SRD5A2: variants seen among roughly 807,000 people sequenced by gnomAD.
The protein encoded by SRD5A2 is steroid 5 alpha-reductase 2, also known as 3-oxo-5-alpha-steroid 4-dehydrogenase 2.
SRD5A2 carries 30 observed loss-of-function variants against 27.4 expected under a neutral mutation model. That is an observed-to-expected ratio of 1.10 (90% CI 0.82 to 1.49). The LOEUF is 1.49. Among genes scored for constraint, SRD5A2 ranks in the 40% most tolerant of loss-of-function variants. The pLI is 0.00. For missense variants in SRD5A2, 348 were observed against 323.4 expected (o/e 1.08, Z -0.58); for synonymous variants, 141 against 133.6 (o/e 1.06, Z -0.38).
At chr2:31,572,676 G>GAGTTAGT (rs1666875799) in intron 1 of SRD5A2, among the ~76,000 whole-genome samples, 1 of 152,170 alleles carries the variant, frequency 6.6e-6, no homozygotes, top group Non-Finnish European at 1.5e-5. Flanking sequence ...TTGACTGACA[G>GAGTTAGT]CATGAGACAC....
At chr2:31,579,088 A>T (rs543490626) in intron 1 of SRD5A2, among the ~76,000 whole-genome samples, 3 of 152,342 alleles carry the variant, frequency 2.0e-5, no homozygotes, top group South Asian at 4.1e-4. Flanking sequence ...TCTAAATCTG[A>T]GTAAAATAAA....
At chr2:31,660,300 C>T in the SRD5A2 span, among the ~76,000 whole-genome samples, 6 of 151,992 alleles carry the variant, frequency 3.9e-5, no homozygotes, top group African/African-American at 1.2e-4. Flanking sequence ...TTATAGATAG[C>T]TGGTGGGAAT....
chr2:31,628,821 A>G, the SRD5A2 span, among the ~76,000 whole-genome samples: 1 of 152,084 alleles, frequency 6.6e-6, no homozygotes, highest in Admixed American at 6.6e-5. Flanking sequence ...TGTTAGTGTT[A>G]TGGGGTTCCC....
chr2:31,534,512 C>T lies in SRD5A2; in HGVS notation c.282-746G>A, dbSNP rs986710922. Among the ~76,000 whole-genome samples, 3 of 152,294 alleles carry T rather than the reference C, an allele frequency of 2.0e-5. No individual in the cohort carries two copies. The East Asian group carries it at 5.8e-4, about 29-fold the overall frequency. On this transcript the variant is annotated intron_variant, in intron 1 of 4. Coordinates refer to ENST00000622030, the MANE Select transcript of SRD5A2 (RefSeq NM_000348.4). ...CCTAAACAGGGCAGATAATCCTATA[C>T]ACACAATTGGATCTTGAAGCTTTGA...
chr2:31,575,297 G>A (rs1423304611), intron 1 of SRD5A2, among the ~76,000 whole-genome samples: 1 of 152,208 alleles, frequency 6.6e-6, no homozygotes, highest in African/African-American at 2.4e-5. Context: ...AGGGGCTCAT[G>A]AGAAGACTCA....
At chr2:31,570,390 C>T (rs538432869) in intron 1 of SRD5A2, among the ~76,000 whole-genome samples, 7 of 152,174 alleles carry the variant, frequency 4.6e-5, no homozygotes, top group South Asian at 4.2e-4. Flanking sequence ...ATAACAAGAG[C>T]CATCAATGAC....
At chr2:31,541,158 C>G in intron 1 of SRD5A2, among the ~76,000 whole-genome samples, 1 of 152,052 alleles carries the variant, frequency 6.6e-6, no homozygotes, top group East Asian at 1.9e-4. Flanking sequence ...CAGAAAGATG[C>G]AAGCTCAGAG....
chr2:31,660,289 TTTATA>T, the SRD5A2 span, among the ~76,000 whole-genome samples: 2 of 151,930 alleles, frequency 1.3e-5, no homozygotes, highest in Non-Finnish European at 2.9e-5. Flanking sequence ...GAAAAGAACT[TTTATA>T]GATAGCTGGT....
At chr2:31,657,703 T>C in the SRD5A2 span, among the ~76,000 whole-genome samples, 3 of 152,140 alleles carry the variant, frequency 2.0e-5, no homozygotes, top group African/African-American at 7.2e-5. Flanking sequence ...TACTTTACCA[T>C]TACAAATTGA....
At chr2:31,559,458 C>T (rs1666570666) in intron 1 of SRD5A2, among the ~76,000 whole-genome samples, 1 of 151,928 alleles carries the variant, frequency 6.6e-6, no homozygotes, top group African/African-American at 2.4e-5. Context: ...TTAACTGAGC[C>T]GTGCTAGAAC....
the SRD5A2 span, among the ~76,000 whole-genome samples, chr2:31,645,632 T>C: frequency 1.3e-5 from 2 of 152,174 alleles, no homozygotes; most frequent in South Asian, 2.1e-4. Flanking sequence ...AAATGTTCAT[T>C]ACAAATACCT....
intron 1 of SRD5A2, among the ~76,000 whole-genome samples, chr2:31,569,656 C>T (rs1239598571): frequency 2.1e-5 from 3 of 144,782 alleles, no homozygotes; most frequent in African/African-American, 7.7e-5. Context: ...AATTGACTGT[C>T]CACATGCAAA....
chr2:31,567,603 T>C (rs1258255145), intron 1 of SRD5A2, among the ~76,000 whole-genome samples: 1 of 152,086 alleles, frequency 6.6e-6, no homozygotes, highest in Non-Finnish European at 1.5e-5. Flanking sequence ...CCCTCTTGTG[T>C]CCTCAGGAAA....
At position 31,533,465 on chromosome 2, in the gene SRD5A2, A is replaced by C. The variant is rs1665958996; in HGVS notation, c.445+138T>G. ...CAATCTCTCTGGCTACCATATAGAG[A>C]AAAGATCAGGGTAGAGGTGAGGGAG... On this transcript the variant is annotated intron_variant, in intron 2 of 4. Transcript: ENST00000622030. The C allele has an allele frequency of 4.2e-6, 3 of 718,698 alleles. No homozygotes were observed. In the East Asian group the frequency reaches 8.3e-5, roughly 20 times the overall value. The allele number at this position is 718,698 out of a possible 1,614,324, so 44.5% of individuals were successfully genotyped here. A position where few individuals can be genotyped will look rare whatever the true frequency, so the allele number is the denominator to read the frequency against.
the SRD5A2 span, among the ~76,000 whole-genome samples, chr2:31,657,289 CT>C: frequency 2.6e-5 from 4 of 152,144 alleles, no homozygotes; most frequent in Non-Finnish European, 5.9e-5. Context: ...TCTAGACTAT[CT>C]TCAGAATTTT....
At chr2:31,600,904 C>G in the SRD5A2 span, among the ~76,000 whole-genome samples, 3 of 151,966 alleles carry the variant, frequency 2.0e-5, no homozygotes, top group East Asian at 5.8e-4. Flanking sequence ...GATGGCTAAA[C>G]ATATGCAGTG....
the SRD5A2 span, chr2:31,651,575 A>T: frequency 3.9e-4 from 64 of 164,944 alleles, no homozygotes; most frequent in African/African-American, 1.5e-3. Flanking sequence ...CTAAGACAAG[A>T]TCTAGGATGG....
At chr2:31,589,192 A>C in the SRD5A2 span, among the ~76,000 whole-genome samples, 2 of 152,154 alleles carry the variant, frequency 1.3e-5, no homozygotes, top group Admixed American at 6.5e-5. Flanking sequence ...AAAGTAGAAG[A>C]AGCAATGGGA....
chr2:31,654,823 G>C, the SRD5A2 span, among the ~76,000 whole-genome samples: 2,571 of 152,270 alleles, frequency 0.017, 40 homozygotes, highest in South Asian at 0.045. Flanking sequence ...ACACTGATTA[G>C]AGACATGCTA....
Sources: allele counts gnomAD v4.1 joint callset (sites outside exome capture counted in the v4.1 genomes callset), GRCh38; gene constraint gnomAD v4.1.1; transcripts MANE v1.5; gene names NCBI Gene and HGNC (gene_info 2026-07-23, HGNC 2026-07-21).